Variants in CAPRIN1 observed in about 807,000 individuals in gnomAD.
CAPRIN1 encodes cell cycle associated protein 1.
A neutral mutation model predicts 100.9 loss-of-function variants in CAPRIN1; 29 were observed. The ratio of observed to expected loss-of-function variants is 0.29; its 90% confidence interval spans 0.21 to 0.39. CAPRIN1 has a LOEUF of 0.39. CAPRIN1 is among the 10% of genes least tolerant of loss of function. The probability of loss-of-function intolerance (pLI) is 1.00; values close to 1 mark genes in which losing one functional copy is unlikely to be tolerated. For missense variants in CAPRIN1, 795 were observed against 876.7 expected, an observed-to-expected ratio of 0.91 and a Z score of 1.18; for synonymous variants, 338 against 307.5, an observed-to-expected ratio of 1.10 and a Z score of -1.04.
In CAPRIN1 at chr11:34,089,387, C is replaced by A. The variant is rs375922607; in HGVS notation, c.1232-8C>A. ...TGTTTGACAAAAATGTTTTGGTCAC[C>A]TTTGCAGTTCATTCTGAATCTAGAC... On this transcript the variant is annotated splice_polypyrimidine_tract_variant and splice_region_variant and intron_variant, in intron 11 of 18. Transcript: ENST00000341394. The A allele has an allele frequency of 3.2e-6, 5 of 1,585,388 alleles. No individual in the cohort carries two copies. In the Admixed American group the frequency reaches 5.2e-5, roughly 17 times the overall value.
At position 34,101,124 on chromosome 11, in the gene CAPRIN1, T is replaced by A. The variant is rs969204271; in HGVS notation, c.*1757T>A. The A allele has an allele frequency of 2.0e-5, 3 of 152,596 alleles. No homozygotes were observed. The highest frequency in any genetic ancestry group is 3.8e-4 in the East Asian group (2 of 5,204). 9.5% of individuals were successfully genotyped at this position (152,596 alleles called of 1,614,324 possible). ...GGAAATGGGGGATCTTCAATGTTTA[T>A]TTTAAAATAAAATAAAATAAGTTCT... On this transcript the variant is annotated 3_prime_UTR_variant, in exon 19 of 19. Transcript: ENST00000341394.
rs1851394689 is a variant in CAPRIN1 at position 34,097,757 on chromosome 11, A to G, written c.2061A>G (p.Pro687=). 1 of 1,613,902 alleles carries G rather than the reference A, an allele frequency of 6.2e-7. No homozygotes were observed. Among genetic ancestry groups the G allele is most frequent in the South Asian group, 1.1e-5 (1 of 91,090 alleles). Residue 687 remains proline (P), a synonymous_variant, in exon 18 of 19, where the codon CCA becomes CCG. Transcript: ENST00000341394. ...GSGQSGPRGA[P]RGRGGPPRPN... is the part of the protein sequence containing the mutation. The stretch of plus-strand genomic sequence containing the variant: ...GGCAGAGTGGACCACGGGGAGCCCC[A>G]CGAGGTAATATTTTGTGGTGGTGAT...
Position 34,086,237 on chromosome 11 carries a change from A to G in CAPRIN1, c.1122+18A>G. ...TCATACAGGTATGTTCATTTTAGTC[A>G]GACTCTGTAACAGAAAGTTTAAGTG... On this transcript the variant is annotated intron_variant, in intron 10 of 18. Coordinates refer to ENST00000341394, the MANE Select transcript of CAPRIN1 (RefSeq NM_005898.5). The G allele has an allele frequency of 6.2e-7, 1 of 1,612,690 alleles. No homozygotes were observed. Among genetic ancestry groups the G allele is most frequent in the Non-Finnish European group, 8.5e-7 (1 of 1,178,922 alleles).
chr11:34,087,676 C>T (rs1851175406), intron 11 of CAPRIN1, among the ~76,000 whole-genome samples: 1 of 152,178 alleles, frequency 6.6e-6, no homozygotes. Context: ...TCAAAGGTGA[C>T]ACCTACAAGA....
intron 15 of CAPRIN1, 191 bp from the exon 16 acceptor site, chr11:34,096,288 A>G (rs897077330): frequency 2.1e-6 from 1 of 470,106 alleles, no homozygotes; most frequent in Non-Finnish European, 3.7e-6. Flanking sequence ...TTTACCCCCA[A>G]TAGCTGAGTC....
At chr11:34,057,228 C>T (rs1268074590) in intron 2 of CAPRIN1, among the ~76,000 whole-genome samples, 2 of 152,100 alleles carry the variant, frequency 1.3e-5, no homozygotes, top group Non-Finnish European at 2.9e-5. Context: ...ATGCAGAGGG[C>T]AAGATTATTT....
At chr11:34,092,902 G>T (rs955636931) in intron 15 of CAPRIN1, among the ~76,000 whole-genome samples, 2 of 152,240 alleles carry the variant, frequency 1.3e-5, no homozygotes, top group Non-Finnish European at 2.9e-5. Context: ...GCCCGGGCTG[G>T]AGTGCAGTGA....
intron 6 of CAPRIN1, among the ~76,000 whole-genome samples, chr11:34,077,673 T>G (rs1439378325): frequency 1.3e-5 from 2 of 152,196 alleles, no homozygotes; most frequent in Admixed American, 6.5e-5. Context: ...ATTTATGCAT[T>G]TTTAGCTATT....
At chr11:34,054,431 AT>A (rs982906180) in intron 2 of CAPRIN1, among the ~76,000 whole-genome samples, 58 of 146,394 alleles carry the variant, frequency 4.0e-4, no homozygotes, top group South Asian at 4.3e-4. Context: ...ATCTTCTTAA[AT>A]TTTTTTTTTT....
At chr11:34,092,482 C>A (rs1851282494) in intron 15 of CAPRIN1, among the ~76,000 whole-genome samples, 1 of 151,880 alleles carries the variant, frequency 6.6e-6, no homozygotes, top group South Asian at 2.1e-4. Context: ...CTCAGCCTCC[C>A]AAGTAGCTTG....
intron 15 of CAPRIN1, among the ~76,000 whole-genome samples, chr11:34,093,979 G>C (rs1851315273): frequency 6.6e-6 from 1 of 151,800 alleles, no homozygotes; most frequent in African/African-American, 2.4e-5. Context: ...TTTAAAAAAA[G>C]TTCATTTGTT....
chr11:34,071,561 C>G (rs1206613733), intron 2 of CAPRIN1, among the ~76,000 whole-genome samples, 165 bp from the exon 3 acceptor site: 2 of 149,936 alleles, frequency 1.3e-5, no homozygotes, highest in East Asian at 3.9e-4. Flanking sequence ...GAAACTCTGT[C>G]TCAAAAAAAA....
intron 1 of CAPRIN1, 81 bp from the exon 2 acceptor site, chr11:34,052,340 C>T (rs1850334808): frequency 8.7e-7 from 1 of 1,153,418 alleles, no homozygotes; most frequent in African/African-American, 1.6e-5. Context: ...CGTTTTGTCC[C>T]GCGTCTCGCC....
At chr11:34,090,063 C>T (rs890946394) in intron 12 of CAPRIN1, 116 bp from the exon 13 acceptor site, 1 of 536,250 alleles carries the variant, frequency 1.9e-6, no homozygotes, top group East Asian at 3.1e-5. Flanking sequence ...ATTAATTTCT[C>T]CCTTCTTTAG....
intron 7 of CAPRIN1, 147 bp downstream of exon 7, chr11:34,079,912 T>G (rs933528853): frequency 0.026 from 42 of 1,646 alleles, no homozygotes; most frequent in African/African-American, 0.17. Context: ...AAAGTTTTTT[T>G]TTTTTTTTTT....
At chr11:34,067,297 T>G (rs1850717557) in intron 2 of CAPRIN1, among the ~76,000 whole-genome samples, 1 of 152,190 alleles carries the variant, frequency 6.6e-6, no homozygotes, top group African/African-American at 2.4e-5. Flanking sequence ...GGAACTGTGG[T>G]CTGCTCTTTG....
At position 34,086,396 on chromosome 11, in the gene CAPRIN1, A is replaced by T. The variant is rs1851144934; in HGVS notation, c.1214A>T (p.Gln405Leu). ...CCAACACAAAACATGGACATGCCCC[A>T]GCTGGTTTGCCCTCCAGGTTAGTAG... ...MNPTQNMDMP[Q>L]LVCPPVHSES... The change falls in exon 11 of 19, where the codon CAG (glutamine) becomes CTG (leucine). Residue 405 changes from glutamine to leucine, a missense_variant. This residue lies in a region of CAPRIN1 where 648 missense variants were observed against 697.9 expected (regional missense o/e 0.93). Transcript: ENST00000341394. The T allele has an allele frequency of 6.2e-7, 1 of 1,612,212 alleles. No individual in the cohort carries two copies. The highest frequency in any genetic ancestry group is 8.5e-7 in the Non-Finnish European group (1 of 1,178,600).
At chr11:34,098,030 T>C in intron 18 of CAPRIN1, 1 of 1,139,470 alleles carries the variant, frequency 8.8e-7, no homozygotes. Flanking sequence ...CTGAAAATTA[T>C]TTTTCAGGTC....
chr11:34,101,387 CTG>C lies in CAPRIN1; in HGVS notation c.*2024_*2025del, dbSNP rs1312185418. 3.3e-5 allele frequency among the ~76,000 whole-genome samples: 5 copies of C among 152,134 alleles called. No individual in the cohort carries two copies. Among genetic ancestry groups the C allele is most frequent in the African/African-American group, 4.8e-5 (2 of 41,426 alleles). On this transcript the variant is annotated 3_prime_UTR_variant, in exon 19 of 19. Coordinates refer to ENST00000341394, the MANE Select transcript of CAPRIN1 (RefSeq NM_005898.5). ...TCCTATATAAAACTAAATTTGCTAT[CTG>C]TGTAGAAAATAATTTCATGACATTT...
Sources: allele counts gnomAD v4.1 joint callset (sites outside exome capture counted in the v4.1 genomes callset), GRCh38; gene constraint gnomAD v4.1.1; regional missense constraint gnomAD v4.1.1; transcripts MANE v1.5; gene names NCBI Gene and HGNC (gene_info 2026-07-23, HGNC 2026-07-21).